Variants in TNPO1 observed in about 807,000 individuals in gnomAD.
TNPO1 encodes the protein transportin-1.
A neutral mutation model predicts 119.5 loss-of-function variants in TNPO1; 8 were observed. The ratio of observed to expected loss-of-function variants is 0.07; its 90% confidence interval spans 0.04 to 0.12. The LOEUF (loss-of-function observed/expected upper bound fraction) is 0.12, where lower values mean the gene tolerates loss of function less well. TNPO1 is among the 10% of genes least tolerant of loss of function. The probability of loss-of-function intolerance (pLI) is 1.00; values close to 1 mark genes in which losing one functional copy is unlikely to be tolerated. For missense variants in TNPO1, 576 were observed against 1,089.8 expected (o/e 0.53, Z 6.64); for synonymous variants, 362 against 363.0 (o/e 1.00, Z 0.03).
chr5:72,885,070 A>G (rs1748520830), intron 11 of TNPO1, among the ~76,000 whole-genome samples: 1 of 152,240 alleles, frequency 6.6e-6, no homozygotes, highest in Admixed American at 6.5e-5. Flanking sequence ...AGTTTCCTGT[A>G]ACTAACATTC....
chr5:72,857,187 G>A (rs898334967), intron 4 of TNPO1, among the ~76,000 whole-genome samples: 1 of 151,948 alleles, frequency 6.6e-6, no homozygotes, highest in African/African-American at 2.4e-5. Flanking sequence ...GTGTGGTGGC[G>A]TGTGCTTGTA....
In TNPO1 at chr5:72,900,955, C is replaced by G. The variant is rs192402175; in HGVS notation, c.2415-19C>G. On this transcript the variant is annotated intron_variant, in intron 21 of 24. Transcript: ENST00000337273. ...CTGCTTGTTACTTAAATGCTAAACT[C>G]AATTCTGTAATTCAATAGGTGCACC... 76 of 1,574,168 alleles carry G rather than the reference C, an allele frequency of 4.8e-5. No homozygotes were observed. In the Middle Eastern group the frequency reaches 1.3e-3, roughly 28 times the overall value.
chr5:72,835,040 A>G (rs1421165388), intron 1 of TNPO1, among the ~76,000 whole-genome samples: 1 of 152,238 alleles, frequency 6.6e-6, no homozygotes, highest in Non-Finnish European at 1.5e-5. Flanking sequence ...AGGAGCCACA[A>G]GCTATACCAT....
In TNPO1 at chr5:72,913,745, C is replaced by T. The variant is rs561037440; in HGVS notation, c.*5072C>T. ...GTTGGTCCCCTTCTAATATTGGCCTCATAAAGGGGTTCCACTGTACTTTCC... is the reference window on the plus strand; with the variant it reads ...GTTGGTCCCCTTCTAATATTGGCCTTATAAAGGGGTTCCACTGTACTTTCC... On this transcript the variant is annotated 3_prime_UTR_variant, in exon 25 of 25. Coordinates refer to ENST00000337273, the MANE Select transcript of TNPO1 (RefSeq NM_002270.4). 6.6e-6 allele frequency: 1 copy of T among 152,608 alleles called. No homozygotes were observed. Among genetic ancestry groups the T allele is most frequent in the East Asian group, 1.9e-4 (1 of 5,190 alleles). The allele number at this position is 152,608 out of a possible 1,614,324, so 9.5% of individuals were successfully genotyped here.
chr5:72,842,821 T>G (rs1744974972), intron 1 of TNPO1, among the ~76,000 whole-genome samples: 1 of 152,258 alleles, frequency 6.6e-6, no homozygotes, highest in Non-Finnish European at 1.5e-5. Context: ...TGATCATGTT[T>G]TTTATCAATT....
chr5:72,872,266 T>G (rs1747457725), intron 6 of TNPO1, among the ~76,000 whole-genome samples: 1 of 152,182 alleles, frequency 6.6e-6, no homozygotes, highest in African/African-American at 2.4e-5. Context: ...CCAGAACACA[T>G]GGACTATTCT....
chr5:72,826,568 T>G (rs567845432), intron 1 of TNPO1, among the ~76,000 whole-genome samples: 14 of 152,328 alleles, frequency 9.2e-5, no homozygotes, highest in African/African-American at 3.4e-4. Flanking sequence ...GAGCCTAGAA[T>G]GTAGTAGACA....
chr5:72,885,244 A>G (rs1748532202), intron 11 of TNPO1, among the ~76,000 whole-genome samples: 1 of 152,264 alleles, frequency 6.6e-6, no homozygotes, highest in Non-Finnish European at 1.5e-5. Flanking sequence ...TAGCATAGCT[A>G]GTACTGATAG....
At chr5:72,865,505 T>G (rs368693098) in intron 5 of TNPO1, 91 bp from the exon 6 acceptor site, 10 of 1,371,958 alleles carry the variant, frequency 7.3e-6, no homozygotes, top group East Asian at 2.3e-5. Context: ...CTGAGAACAT[T>G]AGTCCATACA....
intron 20 of TNPO1, among the ~76,000 whole-genome samples, chr5:72,898,587 G>A (rs1749608730): frequency 6.6e-6 from 1 of 152,174 alleles, no homozygotes; most frequent in African/African-American, 2.4e-5. Context: ...CTAATATCTA[G>A]ATTTTAGCAG....
At chr5:72,826,180 ATATTC>A (rs1311090647) in intron 1 of TNPO1, among the ~76,000 whole-genome samples, 1 of 151,960 alleles carries the variant, frequency 6.6e-6, no homozygotes, top group East Asian at 1.9e-4. Context: ...GTTTAATACT[ATATTC>A]TATCCTGCCC....
At chr5:72,826,948 G>A (rs187058544) in intron 1 of TNPO1, among the ~76,000 whole-genome samples, 3 of 151,930 alleles carry the variant, frequency 2.0e-5, no homozygotes, top group Non-Finnish European at 2.9e-5. Flanking sequence ...TTTACATTAA[G>A]TTTTTTTAAT....
intron 11 of TNPO1, among the ~76,000 whole-genome samples, chr5:72,884,619 G>A (rs1037928910): frequency 1.3e-5 from 2 of 152,110 alleles, no homozygotes; most frequent in Non-Finnish European, 2.9e-5. Flanking sequence ...TCTGGCCCAC[G>A]CTTCCTAATT....
chr5:72,873,582 A>G (rs1046349026), intron 7 of TNPO1, among the ~76,000 whole-genome samples: 5 of 152,154 alleles, frequency 3.3e-5, no homozygotes, highest in Non-Finnish European at 7.4e-5. Flanking sequence ...ACTACCTACT[A>G]TGGAACAGAT....
At chr5:72,848,157 C>T in intron 1 of TNPO1, 5 of 1,204,340 alleles carry the variant, frequency 4.2e-6, no homozygotes, top group South Asian at 2.6e-5. Context: ...TCGGCGGCCG[C>T]GGCGGCAGCA....
chr5:72,904,055 GTA>G (rs528295907), intron 23 of TNPO1, among the ~76,000 whole-genome samples: 8 of 152,178 alleles, frequency 5.3e-5, no homozygotes, highest in Non-Finnish European at 1.2e-4. Flanking sequence ...AAGGAAAATA[GTA>G]TATGTTTTTC....
intron 12 of TNPO1, 114 bp downstream of exon 12, chr5:72,887,336 A>T: frequency 8.2e-7 from 1 of 1,225,856 alleles, no homozygotes; most frequent in South Asian, 1.7e-5. Flanking sequence ...CTAGTATTAA[A>T]CAGCCATAGG....
At chr5:72,870,605 C>T (rs116617772) in intron 6 of TNPO1, among the ~76,000 whole-genome samples, 80 of 152,172 alleles carry the variant, frequency 5.3e-4, no homozygotes, top group African/African-American at 1.8e-3. Context: ...CTAGTTTTTT[C>T]CTTCATTGCT....
rs937536205 is a variant in TNPO1, at chr5:72,910,914, A to G, written c.*2241A>G. The G allele has an allele frequency of 1.3e-5, 2 of 151,992 alleles. No homozygotes were observed. Among genetic ancestry groups the G allele is most frequent in the Non-Finnish European group, 2.9e-5 (2 of 67,954 alleles). The allele number at this position is 151,992 out of a possible 1,614,324, so 9.4% of individuals were successfully genotyped here. On this transcript the variant is annotated 3_prime_UTR_variant, in exon 25 of 25. Coordinates refer to ENST00000337273, the MANE Select transcript of TNPO1 (RefSeq NM_002270.4). Reference sequence around the variant, plus strand: ...ATTAAATTATTTTATAGTGCCTGATATTTTTAATATTATAAGTTGGATTCA... The same window carrying G: ...ATTAAATTATTTTATAGTGCCTGATGTTTTTAATATTATAAGTTGGATTCA...
Sources: allele counts gnomAD v4.1 joint callset (sites outside exome capture counted in the v4.1 genomes callset), GRCh38; gene constraint gnomAD v4.1.1; transcripts MANE v1.5; gene names NCBI Gene and HGNC (gene_info 2026-07-23, HGNC 2026-07-21).